Variants in CSMD1 observed in about 807,000 individuals in gnomAD.
CSMD1 encodes CUB and Sushi multiple domains 1.
Under a neutral mutation model 417.5 loss-of-function variants are expected in CSMD1, and 213 were observed. The ratio of observed to expected loss-of-function variants is 0.51; its 90% confidence interval spans 0.46 to 0.57. CSMD1 has a LOEUF of 0.57. Among genes scored for constraint, CSMD1 ranks in the 20% least tolerant of loss-of-function variants. The pLI, the probability that CSMD1 is intolerant of heterozygous loss-of-function variation, is 0.00. For synonymous variants in CSMD1, 2,862 were observed against 1,736.8 expected (o/e 1.65, Z -16.11); for missense variants, 6,923 against 4,529.7 (o/e 1.53, Z -15.17).
chr8:4,097,078 T>G (rs1409774937), intron 3 of CSMD1, among the ~76,000 whole-genome samples: 1 of 152,216 alleles, frequency 6.6e-6, no homozygotes, highest in Non-Finnish European at 1.5e-5. Flanking sequence ...TCTTTAATTA[T>G]GTACTACAAA....
chr8:3,869,738 C>T (rs989513450), intron 5 of CSMD1, among the ~76,000 whole-genome samples: 1 of 151,498 alleles, frequency 6.6e-6, no homozygotes, highest in Non-Finnish European at 1.5e-5. Context: ...CCCACCCCAG[C>T]AGAAGCACTA....
In CSMD1 at chr8:3,555,517, T is replaced by G. The variant is rs144031357; in HGVS notation, c.1344+19428A>C. The stretch of plus-strand genomic sequence containing the variant: ...TTTAAATTCTATGCACTGAGCCCCA[T>G]TTGCAAAAATTCCACAGCTGGGTGA... On this transcript the variant is annotated intron_variant, in intron 10 of 69. Transcript: ENST00000635120. Among the ~76,000 whole-genome samples, 174 of 152,294 alleles carry G rather than the reference T, an allele frequency of 1.1e-3. 2 individuals carry two copies. Among genetic ancestry groups the G allele is most frequent in the African/African-American group, 4.1e-3 (170 of 41,576 alleles).
chr8:4,398,710 G>A (rs1041989874), intron 3 of CSMD1, among the ~76,000 whole-genome samples: 23 of 152,014 alleles, frequency 1.5e-4, no homozygotes, highest in Admixed American at 2.0e-4. Context: ...GCAACATTTA[G>A]CTACAGCTTT....
At chr8:4,686,777 C>T (rs1806411453) in intron 1 of CSMD1, among the ~76,000 whole-genome samples, 1 of 152,334 alleles carries the variant, frequency 6.6e-6, no homozygotes, top group Non-Finnish European at 1.5e-5. Context: ...AGATCCTTCT[C>T]CTTCGCTTCA....
intron 11 of CSMD1, among the ~76,000 whole-genome samples, chr8:3,483,455 A>G (rs1325994965): frequency 1.3e-5 from 2 of 152,098 alleles, no homozygotes; most frequent in African/African-American, 2.4e-5. Flanking sequence ...CAATCTAAAT[A>G]GTCCTTTATT....
chr8:3,446,356 G>T (rs963844790), intron 12 of CSMD1, among the ~76,000 whole-genome samples: 4 of 152,172 alleles, frequency 2.6e-5, no homozygotes. Flanking sequence ...TAGACTGTTT[G>T]CAAAATACAC....
rs907581012 is a variant in CSMD1, at chr8:4,372,438, G to A, written c.415+47515C>T. Among the ~76,000 whole-genome samples the A allele has an allele frequency of 3.3e-5, 5 of 151,866 alleles. 1 individual carries two copies. Among genetic ancestry groups the A allele is most frequent in the Admixed American group, 6.6e-5 (1 of 15,254 alleles). On this transcript the variant is annotated intron_variant, in intron 3 of 69. Transcript: ENST00000635120. ...TTTGACATATATTTTTGTATACCAT[G>A]AATTAGTGAACTCAATTCAAGGGCA...
intron 3 of CSMD1, among the ~76,000 whole-genome samples, chr8:4,162,313 A>G (rs190379130): frequency 2.8e-4 from 42 of 152,316 alleles, no homozygotes; most frequent in African/African-American, 9.6e-4. Context: ...GCAAAGTTTA[A>G]TGGATTTATG....
chr8:4,325,661 C>G (rs934816560), intron 3 of CSMD1, among the ~76,000 whole-genome samples: 1 of 152,120 alleles, frequency 6.6e-6, no homozygotes, highest in Admixed American at 6.6e-5. Context: ...CAACAACCAT[C>G]ATGCTCATCT....
intron 51 of CSMD1, among the ~76,000 whole-genome samples, chr8:3,028,907 A>C (rs1348189692): frequency 2.6e-5 from 4 of 152,216 alleles, no homozygotes; most frequent in African/African-American, 4.8e-5. Context: ...CTAAGAGAAT[A>C]ATCATCTCCC....
chr8:3,483,678 C>G (rs1006654726), intron 11 of CSMD1, among the ~76,000 whole-genome samples: 5 of 151,740 alleles, frequency 3.3e-5, no homozygotes, highest in African/African-American at 7.3e-5. Flanking sequence ...AAAGGCAGTA[C>G]AAAAAAGAAA....
At chr8:3,310,254 T>C (rs572149735) in intron 23 of CSMD1, among the ~76,000 whole-genome samples, 59 of 152,304 alleles carry the variant, frequency 3.9e-4, no homozygotes, top group South Asian at 1.5e-3. Flanking sequence ...AATCCATCAT[T>C]ATTACAGATT....
chr8:3,687,840 C>G (rs924831314), intron 7 of CSMD1, among the ~76,000 whole-genome samples: 2 of 152,196 alleles, frequency 1.3e-5, no homozygotes, highest in African/African-American at 4.8e-5. Flanking sequence ...CTCTCTCAGT[C>G]CACTCTTGGT....
In CSMD1 at chr8:3,854,658, T is replaced by C. The variant is rs545355355; in HGVS notation, c.819-100616A>G. Reference sequence around the variant, plus strand: ...CTTATGATATAGAATCTGGACAATGTGGAAGAGAGGGGGATGGAGAGTGGG... The same window carrying C: ...CTTATGATATAGAATCTGGACAATGCGGAAGAGAGGGGGATGGAGAGTGGG... On this transcript the variant is annotated intron_variant, in intron 5 of 69. Coordinates refer to ENST00000635120, the MANE Select transcript of CSMD1 (RefSeq NM_033225.6). Among the ~76,000 whole-genome samples the C allele has an allele frequency of 7.4e-5, 11 of 149,410 alleles. No individual in the cohort carries two copies. The South Asian group carries it at 2.3e-3, about 32-fold the overall frequency.
intron 4 of CSMD1, among the ~76,000 whole-genome samples, chr8:4,002,989 G>T (rs375782600): frequency 2.0e-5 from 3 of 151,032 alleles, no homozygotes. Context: ...CAATCTACCT[G>T]TTTAATTTTT....
At chr8:3,853,754 G>A (rs1289597768) in intron 5 of CSMD1, among the ~76,000 whole-genome samples, 2 of 151,514 alleles carry the variant, frequency 1.3e-5, no homozygotes, top group African/African-American at 2.4e-5. Flanking sequence ...AGCATTAGGA[G>A]ATATACCTAA....
At chr8:3,222,185 C>T (rs1174236478) in intron 28 of CSMD1, among the ~76,000 whole-genome samples, 1 of 152,126 alleles carries the variant, frequency 6.6e-6, no homozygotes, top group Non-Finnish European at 1.5e-5. Context: ...TTATCTGTTT[C>T]AAACTTCCAG....
At chr8:3,847,179 C>A (rs960542684) in intron 5 of CSMD1, among the ~76,000 whole-genome samples, 15 of 152,222 alleles carry the variant, frequency 9.9e-5, no homozygotes, top group Non-Finnish European at 1.9e-4. Flanking sequence ...CTGAACCTTA[C>A]AGGTGGCGCG....
At chr8:4,712,466 C>T (rs986420145) in intron 1 of CSMD1, among the ~76,000 whole-genome samples, 1 of 152,088 alleles carries the variant, frequency 6.6e-6, no homozygotes, top group African/African-American at 2.4e-5. Flanking sequence ...AATTTTTTTT[C>T]CCATGTCAAA....
Sources: allele counts gnomAD v4.1 joint callset (sites outside exome capture counted in the v4.1 genomes callset), GRCh38; gene constraint gnomAD v4.1.1; transcripts MANE v1.5; gene names NCBI Gene and HGNC (gene_info 2026-07-23, HGNC 2026-07-21).